Variants in MACROD2 observed in about 807,000 individuals in gnomAD.
The protein encoded by MACROD2 is ADP-ribose glycohydrolase MACROD2.
MACROD2 carries 36 observed loss-of-function variants against 70.4 expected under a neutral mutation model. The observed-to-expected ratio is 0.51, with a 90% CI of 0.39 to 0.68. The LOEUF (loss-of-function observed/expected upper bound fraction) is 0.68, where lower values mean the gene tolerates loss of function less well. Among genes scored for constraint, MACROD2 ranks in the 30% least tolerant of loss-of-function variants. MACROD2 has a pLI of 0.00. For missense variants in MACROD2, 496 were observed against 538.4 expected (o/e 0.92, Z 0.78); for synonymous variants, 172 against 178.8 (o/e 0.96, Z 0.30).
At chr20:15,266,240 A>C (rs1394439181) in intron 6 of MACROD2, among the ~76,000 whole-genome samples, 1 of 152,230 alleles carries the variant, frequency 6.6e-6, no homozygotes, top group Non-Finnish European at 1.5e-5. Context: ...AAAGTTTTGC[A>C]GCTATAATTA....
At chr20:14,651,231 G>A (rs920763293) in intron 4 of MACROD2, among the ~76,000 whole-genome samples, 4 of 152,106 alleles carry the variant, frequency 2.6e-5, no homozygotes, top group African/African-American at 4.8e-5. Context: ...TGAATCCACC[G>A]AAGACAGTGC....
At chr20:14,209,752 C>T (rs1304794468) in intron 3 of MACROD2, among the ~76,000 whole-genome samples, 6 of 152,052 alleles carry the variant, frequency 3.9e-5, no homozygotes, top group African/African-American at 1.2e-4. Flanking sequence ...GGGGTTTTGT[C>T]TAGAGTGGAA....
chr20:15,837,585 T>C (rs921048730), intron 8 of MACROD2, among the ~76,000 whole-genome samples: 2 of 152,332 alleles, frequency 1.3e-5, no homozygotes, highest in African/African-American at 2.4e-5. Flanking sequence ...TGCCGCATTC[T>C]ACACATTTTC....
Position 14,771,636 on chromosome 20 carries a change from T to C in MACROD2, c.418+86677T>C, listed in dbSNP as rs139741511. Among the ~76,000 whole-genome samples the C allele has an allele frequency of 3.5e-3, 512 of 146,950 alleles. 1 individual carries two copies. The highest frequency in any genetic ancestry group is 6.5e-3 in the Non-Finnish European group (433 of 66,998). On this transcript the variant is annotated intron_variant, in intron 5 of 17. Coordinates refer to ENST00000684519, the MANE Select transcript of MACROD2 (RefSeq NM_001351661.2). ...ATATTTCTTTTCTTTGTAATATTTA[T>C]CCAAAAATACACACACACACACACA...
chr20:15,167,785 G>A (rs934604201), intron 5 of MACROD2, among the ~76,000 whole-genome samples: 3 of 152,142 alleles, frequency 2.0e-5, no homozygotes, highest in Admixed American at 2.0e-4. Context: ...ACAACCTGAT[G>A]TTCTTTAAAC....
intron 10 of MACROD2, among the ~76,000 whole-genome samples, chr20:15,910,223 C>T (rs2065215690): frequency 6.6e-6 from 1 of 152,214 alleles, no homozygotes; most frequent in Admixed American, 6.5e-5. Context: ...GACAGTCACA[C>T]TGCTGTCTAT....
rs143352924 is a variant in MACROD2 at position 14,736,075 on chromosome 20, A to G, written c.418+51116A>G. 9.7e-3 allele frequency among the ~76,000 whole-genome samples: 1,476 copies of G among 152,288 alleles called. 25 individuals carry two copies. Among genetic ancestry groups the G allele is most frequent in the African/African-American group, 0.033 (1,354 of 41,560 alleles). On this transcript the variant is annotated intron_variant, in intron 5 of 17. Coordinates refer to ENST00000684519, the MANE Select transcript of MACROD2 (RefSeq NM_001351661.2). ...ATAGCCAAAAGGTAGAAACAAGCCC[A>G]TATATCCATCATTTGATGAATGGAT... is the stretch of plus-strand genomic sequence containing the variant.
chr20:14,636,783 A>T (rs1244905182), intron 4 of MACROD2, among the ~76,000 whole-genome samples: 2 of 150,752 alleles, frequency 1.3e-5, no homozygotes, highest in African/African-American at 5.0e-5. Flanking sequence ...AATATAAGGG[A>T]CTGTGCCTTG....
intron 3 of MACROD2, among the ~76,000 whole-genome samples, chr20:14,447,440 G>C (rs1028091153): frequency 6.6e-6 from 1 of 152,142 alleles, no homozygotes; most frequent in Non-Finnish European, 1.5e-5. Flanking sequence ...AATAGCATCT[G>C]CTGTTATTTG....
intron 6 of MACROD2, among the ~76,000 whole-genome samples, chr20:15,396,861 T>C (rs1317294403): frequency 3.9e-5 from 6 of 152,164 alleles, no homozygotes; most frequent in Non-Finnish European, 5.9e-5. Flanking sequence ...TCATTGCCCC[T>C]CATTCACTGG....
chr20:15,434,267 C>T (rs1423528439), intron 7 of MACROD2, among the ~76,000 whole-genome samples: 1 of 151,522 alleles, frequency 6.6e-6, no homozygotes, highest in Non-Finnish European at 1.5e-5. Flanking sequence ...AAAATATTTG[C>T]AAACTATGCA....
At chr20:15,636,140 G>T (rs796422764) in intron 8 of MACROD2, among the ~76,000 whole-genome samples, 3,539 of 105,852 alleles carry the variant, frequency 0.033, 146 homozygotes, top group East Asian at 0.25. Context: ...AAAAAAAAAA[G>T]AAATCCCCTA....
chr20:14,788,120 C>A (rs1265768808), intron 5 of MACROD2, among the ~76,000 whole-genome samples: 1 of 151,982 alleles, frequency 6.6e-6, no homozygotes, highest in East Asian at 1.9e-4. Context: ...GAAAGATGTT[C>A]CAGTGCATAT....
At chr20:15,360,942 T>C (rs2078344700) in intron 6 of MACROD2, among the ~76,000 whole-genome samples, 1 of 152,026 alleles carries the variant, frequency 6.6e-6, no homozygotes, top group Non-Finnish European at 1.5e-5. Context: ...AGAGTTCTTT[T>C]TGGATACTAG....
chr20:15,094,446 C>T (rs1302958051), intron 5 of MACROD2, among the ~76,000 whole-genome samples: 1 of 152,076 alleles, frequency 6.6e-6, no homozygotes, highest in African/African-American at 2.4e-5. Context: ...TAAGGTTTTC[C>T]TTAAAATTAT....
At chr20:14,982,484 GA>G (rs2074809625) in intron 5 of MACROD2, among the ~76,000 whole-genome samples, 1 of 152,076 alleles carries the variant, frequency 6.6e-6, no homozygotes, top group Non-Finnish European at 1.5e-5. Context: ...GGCACAGGAG[GA>G]AAAAATGGTT....
At chr20:14,746,727 T>C (rs1436696602) in intron 5 of MACROD2, among the ~76,000 whole-genome samples, 1 of 152,188 alleles carries the variant, frequency 6.6e-6, no homozygotes. Context: ...AACGCATTAA[T>C]GTGCTGCTAC....
At chr20:14,982,752 G>A (rs1381363999) in intron 5 of MACROD2, among the ~76,000 whole-genome samples, 3 of 152,242 alleles carry the variant, frequency 2.0e-5, no homozygotes, top group African/African-American at 7.2e-5. Context: ...TCAGGCAGAA[G>A]TTTGCTTTAG....
chr20:14,244,387 A>G (rs1361706044), intron 3 of MACROD2, among the ~76,000 whole-genome samples: 2 of 144,558 alleles, frequency 1.4e-5, no homozygotes, highest in Admixed American at 7.0e-5. Context: ...GGGTGATGCT[A>G]AAAAAAAAAA....
Sources: allele counts gnomAD v4.1 joint callset (sites outside exome capture counted in the v4.1 genomes callset), GRCh38; gene constraint gnomAD v4.1.1; transcripts MANE v1.5; gene names NCBI Gene and HGNC (gene_info 2026-07-23, HGNC 2026-07-21).